NAALADL2: variants seen among roughly 807,000 people sequenced by gnomAD.
The protein encoded by NAALADL2 is N-acetylated alpha-linked acidic dipeptidase like 2.
Under a neutral mutation model 87.2 loss-of-function variants are expected in NAALADL2, and 76 were observed. The observed-to-expected ratio is 0.87, with a 90% confidence interval of 0.72 to 1.05. The LOEUF is 1.05. Ranked by LOEUF, NAALADL2 falls within the 50% of genes least tolerant of loss-of-function variation. The pLI is 0.00. For missense variants in NAALADL2, 1,089 were observed against 945.8 expected, an observed-to-expected ratio of 1.15 and a Z score of -1.99; for synonymous variants, 354 against 331.0, an observed-to-expected ratio of 1.07 and a Z score of -0.75.
intron 9 of NAALADL2, among the ~76,000 whole-genome samples, chr3:175,476,961 C>T (rs78472069): frequency 0.061 from 9,357 of 152,166 alleles, 979 homozygotes; most frequent in African/African-American, 0.21. Context: ...TTGTTATACC[C>T]TAGAGCTTGC....
chr3:175,393,984 C>T (rs1036578138), intron 5 of NAALADL2, among the ~76,000 whole-genome samples: 1 of 152,070 alleles, frequency 6.6e-6, no homozygotes, highest in African/African-American at 2.4e-5. Context: ...TAGAATTTCC[C>T]TCATTTGTCT....
rs184541638 is a variant in NAALADL2 at position 174,981,652 on chromosome 3, T to C, written c.44-115138T>C. ...CTTTTAATAATGAAAGCTGAGAGTC[T>C]GCGTCGCTTCGGATCATGATAAAAA... On this transcript the variant is annotated intron_variant, in intron 1 of 13. Transcript: ENST00000454872. Among the ~76,000 whole-genome samples, 59 of 152,336 alleles carry C rather than the reference T, an allele frequency of 3.9e-4. No individual in the cohort carries two copies. The East Asian group carries it at 0.011, about 28-fold the overall frequency.
chr3:174,515,061 G>A, intron 1 of NAALADL2, among the ~76,000 whole-genome samples: 1 of 152,088 alleles, frequency 6.6e-6, no homozygotes, highest in East Asian at 1.9e-4. Flanking sequence ...AAGATTCTGA[G>A]GGAGCAATTA....
intron 2 of NAALADL2, among the ~76,000 whole-genome samples, chr3:174,705,029 G>A (rs1729921611): frequency 6.6e-6 from 1 of 152,066 alleles, no homozygotes; most frequent in Non-Finnish European, 1.5e-5. Flanking sequence ...ATAAAAACAA[G>A]CAAAATCATT....
intron 3 of NAALADL2, among the ~76,000 whole-genome samples, chr3:174,823,216 T>C (rs141293782): frequency 2.4e-4 from 37 of 152,224 alleles, no homozygotes; most frequent in African/African-American, 8.4e-4. Context: ...TGTTGTCTGT[T>C]TGTTTGCTTG....
intron 3 of NAALADL2, chr3:175,234,906 A>T (rs1745564691): frequency 6.6e-6 from 1 of 152,112 alleles, no homozygotes; most frequent in Non-Finnish European, 1.5e-5. Flanking sequence ...GTGAGAAAAA[A>T]TTACAAATAT....
intron 5 of NAALADL2, among the ~76,000 whole-genome samples, chr3:175,386,009 G>C (rs1232543749): frequency 6.6e-6 from 1 of 152,006 alleles, no homozygotes; most frequent in Non-Finnish European, 1.5e-5. Flanking sequence ...CTGTGATGAA[G>C]TCTGTGTGAG....
rs915256031 is a variant in NAALADL2 at position 174,630,868 on chromosome 3, C to G, written c.-115+80231C>G. Among the ~76,000 whole-genome samples the G allele has an allele frequency of 1.3e-4, 20 of 152,110 alleles. 1 individual carries two copies. Among genetic ancestry groups the G allele is most frequent in the Non-Finnish European group, 2.1e-4 (14 of 68,004 alleles). On this transcript the variant is annotated intron_variant, in intron 2 of 3. Transcript: ENST00000434257. ...AATGAGAGTCTTCCTAGTAGAACCT[C>G]TTTGGGGCCAGTTAAATAATTTCCA...
At chr3:175,539,656 T>C (rs1441909103) in intron 9 of NAALADL2, among the ~76,000 whole-genome samples, 1 of 152,036 alleles carries the variant, frequency 6.6e-6, no homozygotes, top group African/African-American at 2.4e-5. Context: ...CTTCCCACTG[T>C]CTTCCCCCTT....
chr3:174,744,741 T>A, intron 3 of NAALADL2, among the ~76,000 whole-genome samples: 1 of 151,772 alleles, frequency 6.6e-6, no homozygotes, highest in Non-Finnish European at 1.5e-5. Context: ...AAATCTAACA[T>A]ATAATCTCTC....
intron 1 of NAALADL2, among the ~76,000 whole-genome samples, chr3:174,968,534 T>TG (rs749390190): frequency 3.3e-5 from 5 of 152,026 alleles, no homozygotes; most frequent in Non-Finnish European, 7.4e-5. Context: ...GGCTGCAGTG[T>TG]AGTGACATGA....
At chr3:174,776,755 ATGG>A (rs1715261480) in intron 3 of NAALADL2, among the ~76,000 whole-genome samples, 1 of 152,114 alleles carries the variant, frequency 6.6e-6, no homozygotes, top group African/African-American at 2.4e-5. Context: ...TTTACGAATC[ATGG>A]TGGCAGTGTG....
chr3:175,521,365 A>AT (rs1307309132), intron 9 of NAALADL2, among the ~76,000 whole-genome samples: 1 of 152,088 alleles, frequency 6.6e-6, no homozygotes, highest in Admixed American at 6.6e-5. Context: ...AAATAAATAG[A>AT]TTTTTGTTGT....
intron 10 of NAALADL2, among the ~76,000 whole-genome samples, chr3:175,591,444 A>ATT (rs747159739): frequency 1.4e-5 from 2 of 147,328 alleles, no homozygotes; most frequent in Non-Finnish European, 1.5e-5. Context: ...AACAGAAAAT[A>ATT]ATTTTTTTTT....
intron 2 of NAALADL2, among the ~76,000 whole-genome samples, chr3:174,731,206 G>A (rs886754194): frequency 3.9e-5 from 6 of 152,122 alleles, no homozygotes; most frequent in Non-Finnish European, 7.4e-5. Context: ...GAGCTGCAAT[G>A]CTGCCTCTCC....
At chr3:175,172,021 A>G (rs900418137) in intron 2 of NAALADL2, among the ~76,000 whole-genome samples, 7 of 152,080 alleles carry the variant, frequency 4.6e-5, no homozygotes, top group East Asian at 3.9e-4. Flanking sequence ...GTAGTTAGAA[A>G]CAAAGTCTTT....
At chr3:174,876,244 C>G (rs1212530716) in intron 1 of NAALADL2, among the ~76,000 whole-genome samples, 1 of 152,074 alleles carries the variant, frequency 6.6e-6, no homozygotes, top group Non-Finnish European at 1.5e-5. Context: ...AACTCTTATT[C>G]TAAGGCTCTG....
intron 1 of NAALADL2, among the ~76,000 whole-genome samples, chr3:174,498,636 AAT>A (rs142831877): frequency 2.0e-5 from 3 of 150,112 alleles, no homozygotes; most frequent in African/African-American, 7.3e-5. Context: ...ATATATATAT[AAT>A]ATATATGTTT....
intron 4 of NAALADL2, among the ~76,000 whole-genome samples, chr3:175,320,630 T>C (rs1171814669): frequency 6.6e-6 from 1 of 152,174 alleles, no homozygotes; most frequent in East Asian, 1.9e-4. Context: ...AAAAATATGT[T>C]ACAATACTGC....
Sources: allele counts gnomAD v4.1 joint callset (sites outside exome capture counted in the v4.1 genomes callset), GRCh38; gene constraint gnomAD v4.1.1; transcripts MANE v1.5; gene names NCBI Gene and HGNC (gene_info 2026-07-23, HGNC 2026-07-21).